Variants in ZNF600 observed in about 807,000 individuals in gnomAD.
ZNF600 encodes the protein zinc finger protein KR-ZNF1.
ZNF600 carries 4 observed loss-of-function variants against 7.3 expected under a neutral mutation model. The ratio of observed to expected loss-of-function variants is 0.55; its 90% CI spans 0.27 to 1.25. The LOEUF is 1.25. Ranked by LOEUF, ZNF600 falls within the 50% of genes most tolerant of loss-of-function variation. The pLI, the probability that ZNF600 is intolerant of heterozygous loss-of-function variation, is 0.12. For missense variants in ZNF600, 911 were observed against 922.1 expected (o/e 0.99, Z 0.16); for synonymous variants, 290 against 308.9 (o/e 0.94, Z 0.64).
At chr19:52,777,934 T>C (rs13346858) in intron 2 of ZNF600, among the ~76,000 whole-genome samples, 24,316 of 152,080 alleles carry the variant, frequency 0.16, 2,679 homozygotes, top group African/African-American at 0.3. Flanking sequence ...TTAGTTGAGC[T>C]CAGGAGTTTG....
the ZNF600 span, chr19:52,801,656 T>C: frequency 6.2e-7 from 1 of 1,612,704 alleles, no homozygotes; most frequent in Non-Finnish European, 8.5e-7. Flanking sequence ...CTGTATTGCC[T>C]TGCCCTGTTG....
the ZNF600 span, chr19:52,810,306 C>T: frequency 1.1e-5 from 17 of 1,559,496 alleles, no homozygotes; most frequent in East Asian, 1.1e-4. Flanking sequence ...GGCTGATGCC[C>T]GTTCCATCAA....
the ZNF600 span, among the ~76,000 whole-genome samples, chr19:52,827,210 T>A: frequency 7.3e-6 from 1 of 136,988 alleles, no homozygotes; most frequent in Admixed American, 7.9e-5. Context: ...ACCATTGCAC[T>A]CCAGACTGGG....
intron 1 of ZNF600, among the ~76,000 whole-genome samples, chr19:52,784,100 G>C (rs1471683528): frequency 6.6e-6 from 1 of 152,086 alleles, no homozygotes; most frequent in Non-Finnish European, 1.5e-5. Context: ...ATAATAATTA[G>C]TAGGTAGGCC....
In ZNF600 at chr19:52,766,761, C is replaced by T. The variant is rs112734857; in HGVS notation, c.1202G>A (p.Cys401Tyr). The change falls in exon 4 of 4, where the codon TGT (cysteine) becomes TAT (tyrosine). Residue 401 changes from cysteine to tyrosine, a missense_variant. Transcript: ENST00000648973. ...TGTGAAAGCTGTGTCACAAACCTTA[C>T]ATTTGTATGGTTTCTCTCCAGTATG... The T allele has an allele frequency of 1.3e-5, 21 of 1,613,978 alleles. No homozygotes were observed. In the African/African-American group the frequency reaches 2.8e-4, roughly 22 times the overall value.
chr19:52,790,001 T>C (rs966242474), upstream of ZNF600, among the ~76,000 whole-genome samples: 2 of 152,128 alleles, frequency 1.3e-5, no homozygotes, highest in East Asian at 3.9e-4. Flanking sequence ...GGGGAGCTTT[T>C]TGAGCCAGGA....
At chr19:52,797,018 G>T in the ZNF600 span, among the ~76,000 whole-genome samples, 2 of 152,266 alleles carry the variant, frequency 1.3e-5, no homozygotes, top group African/African-American at 4.8e-5. Context: ...TATTCAAGAG[G>T]ATATAAAAAG....
the ZNF600 span, chr19:52,808,040 T>C: frequency 1.2e-6 from 2 of 1,613,584 alleles, no homozygotes; most frequent in South Asian, 1.1e-5. Flanking sequence ...TTCTCCAGCA[T>C]CACATCCCTG....
At chr19:52,792,302 T>TTTGAGCCCCA in the ZNF600 span, among the ~76,000 whole-genome samples, 1 of 152,098 alleles carries the variant, frequency 6.6e-6, no homozygotes, top group Admixed American at 6.5e-5. Context: ...CCCAAATCAC[T>TTTGAGCCCCA]AAGCAAAAAG....
chr19:52,810,275 G>A, the ZNF600 span: 8 of 1,426,900 alleles, frequency 5.6e-6, no homozygotes, highest in African/African-American at 1.4e-5. Context: ...CAGTGATCAC[G>A]TCCATTGAGG....
intron 2 of ZNF600, among the ~76,000 whole-genome samples, 155 bp downstream of exon 4, chr19:52,778,671 T>C (rs1323639729): frequency 6.6e-6 from 1 of 152,138 alleles, no homozygotes; most frequent in Non-Finnish European, 1.5e-5. Context: ...AGATGGAATC[T>C]CGGAGCAGCT....
chr19:52,811,352 CAT>C, the ZNF600 span, among the ~76,000 whole-genome samples: 1 of 147,852 alleles, frequency 6.8e-6, no homozygotes, highest in African/African-American at 2.6e-5. Flanking sequence ...CCTGGCCGCC[CAT>C]TGTCTGGGAT....
chr19:52,791,623 CCCTT>C (rs1306122385), upstream of ZNF600, among the ~76,000 whole-genome samples: 2 of 152,072 alleles, frequency 1.3e-5, no homozygotes, highest in African/African-American at 4.8e-5. Context: ...ATGACTCACT[CCCTT>C]CCTGTGACAA....
At chr19:52,774,785 T>C (rs531367333) in intron 2 of ZNF600, 84 bp from the exon 5 acceptor site, 1 of 985,180 alleles carries the variant, frequency 1.0e-6, no homozygotes, top group African/African-American at 1.7e-5. Flanking sequence ...AGAAAATAAG[T>C]ATTTGATCAA....
At chr19:52,800,834 T>C in the ZNF600 span, 13 of 1,614,090 alleles carry the variant, frequency 8.1e-6, no homozygotes, top group South Asian at 4.4e-5. Context: ...ATGAATTACA[T>C]GTGAAAGCTT....
chr19:52,795,765 C>G, the ZNF600 span, among the ~76,000 whole-genome samples: 1 of 152,084 alleles, frequency 6.6e-6, no homozygotes, highest in African/African-American at 2.4e-5. Context: ...GAGGATTCAC[C>G]ATGTTACCCA....
At chr19:52,791,233 G>A (rs759630924), upstream of ZNF600, among the ~76,000 whole-genome samples, 4 of 152,162 alleles carry the variant, frequency 2.6e-5, no homozygotes, top group Non-Finnish European at 5.9e-5. Context: ...CTGACACCAC[G>A]GGGCCCACAC....
At chr19:52,799,920 T>C in the ZNF600 span, 1 of 1,613,964 alleles carries the variant, frequency 6.2e-7, no homozygotes, top group Non-Finnish European at 8.5e-7. Flanking sequence ...ACTGAAGGTC[T>C]TGCCACACTC....
the ZNF600 span, among the ~76,000 whole-genome samples, chr19:52,812,252 C>T: frequency 1.4e-4 from 19 of 138,800 alleles, 1 homozygote; most frequent in South Asian, 4.6e-4. Context: ...GCCACGACCC[C>T]GTCTGGGAGG....
Sources: gnomAD v4.1 joint callset for allele counts (sites outside exome capture counted in the v4.1 genomes callset) on GRCh38, gnomAD v4.1.1 for gene constraint, MANE v1.5 for transcripts, NCBI Gene and HGNC (gene_info 2026-07-23, HGNC 2026-07-21) for gene names.